RASGRP3: variants seen among roughly 807,000 people sequenced by gnomAD.
RASGRP3 encodes the protein RAS guanyl releasing protein 3, also known as ras guanyl-releasing protein 3.
In RASGRP3, 54 loss-of-function variants were observed where a neutral mutation model predicts 82.7. The observed-to-expected ratio is 0.65, with a 90% CI of 0.52 to 0.82. The LOEUF is 0.82. Among genes scored for constraint, RASGRP3 ranks in the 40% least tolerant of loss-of-function variants. The pLI is 0.00. For missense variants in RASGRP3, 861 were observed against 828.9 expected (o/e 1.04, Z -0.48); for synonymous variants, 309 against 300.5 (o/e 1.03, Z -0.29).
intron 12 of RASGRP3, among the ~76,000 whole-genome samples, chr2:33,543,272 C>T (rs545316959): frequency 8.1e-4 from 124 of 152,332 alleles, no homozygotes; most frequent in Admixed American, 1.5e-3. Context: ...ACCTCTGCCT[C>T]CAACTCCCAA....
chr2:33,547,680 A>C (rs181174493), intron 13 of RASGRP3, among the ~76,000 whole-genome samples: 97 of 152,258 alleles, frequency 6.4e-4, no homozygotes, highest in Admixed American at 3.7e-3. Flanking sequence ...GCCCCACTGT[A>C]AGCTGGAGTC....
chr2:33,457,387 A>G (rs1351431136), intron 2 of RASGRP3, among the ~76,000 whole-genome samples: 2 of 152,102 alleles, frequency 1.3e-5, no homozygotes, highest in Admixed American at 1.3e-4. Context: ...ATTTGAAAAC[A>G]TGCTTTATTG....
chr2:33,446,219 G>A (rs1665491420), intron 1 of RASGRP3, among the ~76,000 whole-genome samples: 2 of 152,168 alleles, frequency 1.3e-5, no homozygotes, highest in African/African-American at 4.8e-5. Context: ...GTGCAGTGGT[G>A]CAATCTTTGG....
chr2:33,468,848 A>G (rs1666876522), intron 2 of RASGRP3, among the ~76,000 whole-genome samples: 2 of 152,206 alleles, frequency 1.3e-5, no homozygotes, highest in Admixed American at 1.3e-4. Flanking sequence ...TGCAATCCAT[A>G]TTCTTTTCTT....
intron 1 of RASGRP3, among the ~76,000 whole-genome samples, chr2:33,479,081 C>G (rs541542570): frequency 2.6e-5 from 4 of 152,252 alleles, no homozygotes; most frequent in Admixed American, 6.5e-5. Context: ...AGTGGAATCC[C>G]ACACATTTAA....
intron 1 of RASGRP3, among the ~76,000 whole-genome samples, chr2:33,495,000 C>T (rs771776802): frequency 6.6e-6 from 1 of 152,206 alleles, no homozygotes; most frequent in African/African-American, 2.4e-5. Context: ...TTTGAAATTA[C>T]GTTTAGAGTA....
chr2:33,561,587 G>C (rs889643600), intron 17 of RASGRP3, among the ~76,000 whole-genome samples: 1 of 152,100 alleles, frequency 6.6e-6, no homozygotes, highest in Non-Finnish European at 1.5e-5. Context: ...GGTTGAATAT[G>C]TAGACAAAGG....
At chr2:33,499,892 T>C (rs1367625277) in intron 1 of RASGRP3, among the ~76,000 whole-genome samples, 1 of 152,202 alleles carries the variant, frequency 6.6e-6, no homozygotes, top group Non-Finnish European at 1.5e-5. Flanking sequence ...GGCACACTTC[T>C]GGGCTAGGGG....
At chr2:33,501,944 G>T (rs1002024343) in intron 1 of RASGRP3, among the ~76,000 whole-genome samples, 1 of 152,208 alleles carries the variant, frequency 6.6e-6, no homozygotes, top group Non-Finnish European at 1.5e-5. Context: ...AGAGAGCTTA[G>T]CGGGTGTAAT....
intron 10 of RASGRP3, 26 bp from the exon 11 acceptor site, chr2:33,534,295 ATT>A (rs778848336): frequency 6.9e-7 from 1 of 1,457,154 alleles, no homozygotes; most frequent in South Asian, 1.2e-5. Flanking sequence ...GTAATCCGAC[ATT>A]TTTATCCCTT....
intron 1 of RASGRP3, among the ~76,000 whole-genome samples, chr2:33,442,340 G>C (rs1380799285): frequency 6.6e-6 from 1 of 152,208 alleles, no homozygotes; most frequent in African/African-American, 2.4e-5. Flanking sequence ...CTCCAGCCTG[G>C]GTGACAGAGC....
At chr2:33,500,025 G>A (rs1161379370) in intron 1 of RASGRP3, among the ~76,000 whole-genome samples, 1 of 152,190 alleles carries the variant, frequency 6.6e-6, no homozygotes, top group Non-Finnish European at 1.5e-5. Context: ...CTGGAAGGGT[G>A]AGGAAGGAAG....
At chr2:33,546,073 G>T (rs1674710521) in intron 13 of RASGRP3, among the ~76,000 whole-genome samples, 1 of 151,676 alleles carries the variant, frequency 6.6e-6, no homozygotes, top group Admixed American at 6.6e-5. Context: ...GCCTCCCAAA[G>T]TTCTGGGATT....
At chr2:33,462,204 C>T (rs1666407867) in intron 2 of RASGRP3, among the ~76,000 whole-genome samples, 1 of 152,062 alleles carries the variant, frequency 6.6e-6, no homozygotes, top group Non-Finnish European at 1.5e-5. Flanking sequence ...GAGCATCATT[C>T]TCCAGCCAGT....
At chr2:33,452,429 A>C (rs1266445975) in intron 2 of RASGRP3, among the ~76,000 whole-genome samples, 2 of 152,216 alleles carry the variant, frequency 1.3e-5, no homozygotes, top group African/African-American at 4.8e-5. Flanking sequence ...CTGAGGGCAG[A>C]CTTGCTCCTG....
At chr2:33,543,139 A>G (rs1376820074) in intron 12 of RASGRP3, among the ~76,000 whole-genome samples, 1 of 152,112 alleles carries the variant, frequency 6.6e-6, no homozygotes, top group Non-Finnish European at 1.5e-5. Context: ...CAGCCTCACA[A>G]GTGGCTGGGA....
chr2:33,563,100 T>TGAGA lies in RASGRP3; in HGVS notation c.*364_*367dup, dbSNP rs1467304075. On this transcript the variant is annotated 3_prime_UTR_variant, in exon 18 of 18. Coordinates refer to ENST00000403687, the MANE Select transcript of RASGRP3 (RefSeq NM_001139488.2). Reference sequence around the variant, plus strand: ...GTAAACTCAGACTTCGCTTTTTTTGTGAGACTATCCTTTCAATATTTTTAT... The same window carrying TGAGA: ...GTAAACTCAGACTTCGCTTTTTTTGTGAGAGAGACTATCCTTTCAATATTTTTAT... 13 of 251,588 alleles carry TGAGA rather than the reference T, an allele frequency of 5.2e-5. No homozygotes were observed. The highest frequency in any genetic ancestry group is 2.7e-4 in the African/African-American group (12 of 45,044). 15.6% of individuals were successfully genotyped at this position (251,588 alleles called of 1,614,324 possible).
intron 1 of RASGRP3, among the ~76,000 whole-genome samples, chr2:33,502,659 C>T (rs571169491): frequency 1.1e-4 from 16 of 151,826 alleles, no homozygotes; most frequent in South Asian, 6.3e-4. Context: ...ACTACAGGCA[C>T]GCACCACCAC....
chr2:33,557,258 T>A (rs78710896), intron 15 of RASGRP3, among the ~76,000 whole-genome samples: 103 of 152,286 alleles, frequency 6.8e-4, no homozygotes, highest in African/African-American at 2.4e-3. Context: ...ATCTAAAACA[T>A]CCTAATGGGC....
Sources: allele counts gnomAD v4.1 joint callset (sites outside exome capture counted in the v4.1 genomes callset), GRCh38; gene constraint gnomAD v4.1.1; transcripts MANE v1.5; gene names NCBI Gene and HGNC (gene_info 2026-07-23, HGNC 2026-07-21).